The following RPTOR variants were observed in gnomAD, a reference collection of about 807,000 sequenced individuals.
RPTOR encodes regulatory-associated protein of mTOR.
RPTOR carries 21 observed loss-of-function variants against 169.9 expected under a neutral mutation model. The ratio of observed to expected loss-of-function variants is 0.12; its 90% CI spans 0.09 to 0.18. The LOEUF is 0.18. RPTOR is among the 10% of genes least tolerant of loss of function. The probability of loss-of-function intolerance (pLI) is 1.00; values close to 1 mark genes in which losing one functional copy is unlikely to be tolerated. For synonymous variants in RPTOR, 732 were observed against 753.2 expected (o/e 0.97, Z 0.46); for missense variants, 1,133 against 1,855.9 (o/e 0.61, Z 7.16).
chr17:80,670,382 T>C (rs754661278), intron 3 of RPTOR, among the ~76,000 whole-genome samples: 9 of 152,236 alleles, frequency 5.9e-5, no homozygotes, highest in Non-Finnish European at 1.3e-4. Flanking sequence ...AGCCTCACTG[T>C]CATGCCACTG....
At chr17:80,732,941 G>T (rs2066404556) in intron 5 of RPTOR, among the ~76,000 whole-genome samples, 1 of 152,152 alleles carries the variant, frequency 6.6e-6, no homozygotes, top group Non-Finnish European at 1.5e-5. Context: ...GAAATTGACA[G>T]GTGAATGATT....
Position 80,965,575 on chromosome 17 carries a change from A to G in RPTOR, c.*1245A>G, listed in dbSNP as rs2069417163. 1 of 233,388 alleles carries G rather than the reference A, an allele frequency of 4.3e-6. No individual in the cohort carries two copies. The allele number at this position is 233,388 out of a possible 1,614,324, so 14.5% of individuals were successfully genotyped here. On this transcript the variant is annotated 3_prime_UTR_variant, in exon 34 of 34. Coordinates refer to ENST00000306801, the MANE Select transcript of RPTOR (RefSeq NM_020761.3). ...CGGGAATCAGGATTATTGAGAGGTG[A>G]AGGAGCCAGGTGGCTTCATTCTGGC...
In RPTOR at chr17:80,746,929, A is replaced by ATT. The variant is rs3884384; in HGVS notation, c.655-7081_655-7080insTT. On this transcript the variant is annotated intron_variant, in intron 5 of 33. Coordinates refer to ENST00000306801, the MANE Select transcript of RPTOR (RefSeq NM_020761.3). The surrounding 1 kb of genome is among the most constrained non-coding windows in gnomAD (Gnocchi z 4.5). The stretch of plus-strand genomic sequence containing the variant: ...TGTCAGGATGTTTTTTAAAAATGCT[A>ATT]GGTTCTGGGTGGGTGCGGTGGGTCA... Among the ~76,000 whole-genome samples the ATT allele has an allele frequency of 0.43, 64,248 of 148,044 alleles. 14,298 individuals carry two copies. Among genetic ancestry groups the ATT allele is most frequent in the South Asian group, 0.52 (2,328 of 4,518 alleles).
rs374310526 is a variant in RPTOR, at chr17:80,845,748, G to A, written c.1213-725G>A. On this transcript the variant is annotated intron_variant, in intron 10 of 33. Coordinates refer to ENST00000306801, the MANE Select transcript of RPTOR (RefSeq NM_020761.3). The surrounding 1 kb of genome is among the most constrained non-coding windows in gnomAD (Gnocchi z 5.4). The stretch of plus-strand genomic sequence containing the variant: ...CCACCTGTCTGTCTTGTTCCCCTTT[G>A]CAACCAAAACCAAATTCACCCTGTC... Among the ~76,000 whole-genome samples, 1 of 152,128 alleles carries A rather than the reference G, an allele frequency of 6.6e-6. No individual in the cohort carries two copies. The highest frequency in any genetic ancestry group is 2.4e-5 in the African/African-American group (1 of 41,432).
At chr17:80,796,496 G>A (rs539984497) in intron 7 of RPTOR, among the ~76,000 whole-genome samples, 2 of 152,288 alleles carry the variant, frequency 1.3e-5, no homozygotes, top group East Asian at 1.9e-4. Flanking sequence ...CAGGGAAGGG[G>A]AAGTGCCACA....
At chr17:80,583,192 T>TTTTTTTTTTTTTTTG (rs2065031083) in intron 1 of RPTOR, among the ~76,000 whole-genome samples, 1 of 127,730 alleles carries the variant, frequency 7.8e-6, no homozygotes, top group African/African-American at 3.3e-5. Context: ...GTTTTTTTTT[T>TTTTTTTTTTTTTTTG]TTTTTTTTTT....
intron 4 of RPTOR, among the ~76,000 whole-genome samples, chr17:80,718,589 C>T (rs144071903): frequency 1.5e-3 from 221 of 152,232 alleles, no homozygotes; most frequent in South Asian, 3.5e-3. Context: ...CTGGAGAAGG[C>T]GGTGCTTGCT....
rs552034948 is a variant in RPTOR at position 80,659,530 on chromosome 17, T to C, written c.348+15720T>C. Among the ~76,000 whole-genome samples, 1 of 152,074 alleles carries C rather than the reference T, an allele frequency of 6.6e-6. No individual in the cohort carries two copies. The highest frequency in any genetic ancestry group is 2.1e-4 in the South Asian group (1 of 4,804). ...TTTTTATTTATTTATTTTTTTTCAG[T>C]TGGAGTTTCTCTCTGTCGCCAGGCT... On this transcript the variant is annotated intron_variant, in intron 3 of 33. Transcript: ENST00000306801. The surrounding 1 kb of genome is among the most constrained non-coding windows in gnomAD (Gnocchi z 4.3).
rs556067739 is a variant in RPTOR at position 80,685,551 on chromosome 17, G to A, written c.349-22290G>A. Reference sequence around the variant, plus strand: ...GGCCTCCCAAAGTGCTGGGATTACAGGTATGACCCACTGTGCCTGGCTAAT... The same window carrying A: ...GGCCTCCCAAAGTGCTGGGATTACAAGTATGACCCACTGTGCCTGGCTAAT... On this transcript the variant is annotated intron_variant, in intron 3 of 33. Transcript: ENST00000306801. Among the ~76,000 whole-genome samples the A allele has an allele frequency of 6.6e-5, 9 of 137,348 alleles. No homozygotes were observed. The East Asian group carries it at 1.1e-3, about 17-fold the overall frequency. 90.1% of individuals were successfully genotyped at this position (137,348 alleles called of 152,430 possible).
chr17:80,824,510 CTTAT>C (rs1404136084), intron 9 of RPTOR, among the ~76,000 whole-genome samples: 1 of 152,144 alleles, frequency 6.6e-6, no homozygotes, highest in East Asian at 1.9e-4. Context: ...TCAAAATGGC[CTTAT>C]TCCTTTAAGA....
intron 6 of RPTOR, among the ~76,000 whole-genome samples, chr17:80,756,278 G>T (rs1374081683): frequency 6.6e-6 from 1 of 152,206 alleles, no homozygotes; most frequent in East Asian, 1.9e-4. Context: ...CAGCAAGAAG[G>T]TCCTTGCCAG....
At chr17:80,867,413 C>T (rs1598363936) in intron 13 of RPTOR, among the ~76,000 whole-genome samples, 1 of 151,906 alleles carries the variant, frequency 6.6e-6, no homozygotes, top group East Asian at 1.9e-4. Flanking sequence ...CTTCGTCTAC[C>T]TGACAAACAG....
chr17:80,773,824 G>A (rs942353138), intron 6 of RPTOR: 6 of 985,410 alleles, frequency 6.1e-6, no homozygotes, highest in South Asian at 9.4e-5. Flanking sequence ...GAAGAGGAAC[G>A]CTTGGTGCCT....
chr17:80,607,088 G>A (rs1200165827), intron 1 of RPTOR, among the ~76,000 whole-genome samples: 1 of 152,062 alleles, frequency 6.6e-6, no homozygotes, highest in Non-Finnish European at 1.5e-5. Context: ...CAGACCCCAC[G>A]GTCTTAGGGC....
intron 5 of RPTOR, chr17:80,743,208 G>GCT (rs1286253120): frequency 1.9e-5 from 19 of 981,152 alleles, no homozygotes; most frequent in Admixed American, 6.2e-5. Context: ...ATTAGCCAAG[G>GCT]CTCTCTCTCT....
In RPTOR at chr17:80,910,531, T is replaced by C. The variant is rs369957633; in HGVS notation, c.2520+1602T>C. Reference sequence around the variant, plus strand: ...CTCTGTGGTGTTCTACGTCTTCATCTGACCTCGTCACGGCTATGGCGTTGC... The same window carrying C: ...CTCTGTGGTGTTCTACGTCTTCATCCGACCTCGTCACGGCTATGGCGTTGC... On this transcript the variant is annotated intron_variant, in intron 21 of 33. Coordinates refer to ENST00000306801, the MANE Select transcript of RPTOR (RefSeq NM_020761.3). 3.3e-5 allele frequency among the ~76,000 whole-genome samples: 5 copies of C among 152,226 alleles called. No individual in the cohort carries two copies. The East Asian group carries it at 7.7e-4, about 23-fold the overall frequency.
intron 6 of RPTOR, among the ~76,000 whole-genome samples, chr17:80,782,304 C>T (rs1197440157): frequency 1.3e-5 from 2 of 152,178 alleles, no homozygotes; most frequent in African/African-American, 4.8e-5. Flanking sequence ...ATAGAAAGAA[C>T]AAGTCAGATG....
chr17:80,694,983 C>T (rs1351781781), intron 3 of RPTOR, among the ~76,000 whole-genome samples: 4 of 152,176 alleles, frequency 2.6e-5, no homozygotes, highest in African/African-American at 9.7e-5. Context: ...AGCCTCTGGG[C>T]CTCCGTGGGT....
intron 3 of RPTOR, among the ~76,000 whole-genome samples, chr17:80,652,200 T>C (rs988163202): frequency 6.6e-6 from 1 of 151,854 alleles, no homozygotes; most frequent in African/African-American, 2.4e-5. Context: ...TACAACTCAA[T>C]TGGCTTTTAA....
Sources: gnomAD v4.1 joint callset for allele counts (sites outside exome capture counted in the v4.1 genomes callset) on GRCh38, gnomAD v4.1.1 for gene constraint, Gnocchi (gnomAD v3.1) non-coding constraint, MANE v1.5 for transcripts, NCBI Gene and HGNC (gene_info 2026-07-23, HGNC 2026-07-21) for gene names.